The following ZNF112 variants were observed in gnomAD, a reference collection of about 807,000 sequenced individuals.
The protein encoded by ZNF112 is zinc finger protein 112 (Y14).
In ZNF112, 37 loss-of-function variants were observed where a neutral mutation model predicts 77.7. The observed-to-expected ratio is 0.48, with a 90% CI of 0.37 to 0.63. The LOEUF is 0.63. Ranked by LOEUF, ZNF112 falls within the 20% of genes least tolerant of loss-of-function variation. The probability of loss-of-function intolerance (pLI) is 0.00; values close to 1 mark genes in which losing one functional copy is unlikely to be tolerated. For missense variants in ZNF112, 950 were observed against 1,077.4 expected (o/e 0.88, Z 1.66); for synonymous variants, 333 against 363.6 (o/e 0.92, Z 0.96).
intron 1 of ZNF112, among the ~76,000 whole-genome samples, chr19:44,353,010 A>G (rs1215036385): frequency 6.6e-6 from 1 of 152,116 alleles, no homozygotes; most frequent in African/African-American, 2.4e-5. Flanking sequence ...AGGCAAAGGA[A>G]CCAGAATAGC....
chr19:44,328,011 T>A lies in ZNF112; in HGVS notation c.2146A>T (p.Ile716Leu). The change falls in exon 4 of 4, where the codon ATA (isoleucine) becomes TTA (leucine). Residue 716 changes from isoleucine to leucine, a missense_variant. By Grantham distance (5) the Ile-to-Leu change is conservative. This residue lies in a region of ZNF112 where 373 missense variants were observed against 482.8 expected (regional missense o/e 0.77). Coordinates refer to ENST00000354340, the MANE Select transcript of ZNF112 (RefSeq NM_013380.4). Reference sequence around the variant, plus strand: ...AAGCCCTTTCCACATACCTCACATATATATGGTCTTTCTCCAGAATGGACA... The same window carrying A: ...AAGCCCTTTCCACATACCTCACATAAATATGGTCTTTCTCCAGAATGGACA... ...QSVHSGERPY[I>L]CEVCGKGFSQ... The A allele has an allele frequency of 6.2e-7, 1 of 1,613,826 alleles. No individual in the cohort carries two copies. Among genetic ancestry groups the A allele is most frequent in the Non-Finnish European group, 8.5e-7 (1 of 1,179,946 alleles).
chr19:44,329,379 C>T lies in ZNF112; in HGVS notation c.778G>A (p.Ala260Thr), dbSNP rs1422713854. 1 of 1,613,782 alleles carries T rather than the reference C, an allele frequency of 6.2e-7. No homozygotes were observed. The highest frequency in any genetic ancestry group is 8.5e-7 in the Non-Finnish European group (1 of 1,179,800). Reference sequence around the variant, plus strand: ...TCAGAGCTGGAGTCATTACTGAAGGCTTTTCTATACCCAGTACATGGATAG... The same window carrying T: ...TCAGAGCTGGAGTCATTACTGAAGGTTTTTCTATACCCAGTACATGGATAG... ...KPYPCTGYRKAFSNDSSSEVH... is the reference protein window; with the variant it reads ...KPYPCTGYRKTFSNDSSSEVH... The change falls in exon 4 of 4, where the codon GCC becomes ACC. Residue 260 changes from alanine (A) to threonine (T), a missense_variant. Around this residue, in one of 3 missense-constraint regions of ZNF112, gnomAD observed 560 missense variants for 557.3 expected, o/e 1.00. Transcript: ENST00000354340.
At chr19:44,353,309 G>GA (rs1161820434) in intron 1 of ZNF112, among the ~76,000 whole-genome samples, 2 of 151,984 alleles carry the variant, frequency 1.3e-5, no homozygotes, top group African/African-American at 4.8e-5. Flanking sequence ...TAGAACAAGA[G>GA]AAAATCTTCA....
upstream of ZNF112, among the ~76,000 whole-genome samples, chr19:44,359,609 A>G (rs1335248556): frequency 2.6e-5 from 4 of 152,142 alleles, no homozygotes; most frequent in South Asian, 2.1e-4. Context: ...GGCGTGAGCC[A>G]CTGCATGTGG....
chr19:44,354,878 C>T (rs201410334), intron 1 of ZNF112, among the ~76,000 whole-genome samples: 5 of 152,132 alleles, frequency 3.3e-5, no homozygotes, highest in Non-Finnish European at 5.9e-5. Context: ...TCTTGCATCC[C>T]CTAGCTTCCT....
chr19:44,346,827 G>A (rs148655304), intron 1 of ZNF112, among the ~76,000 whole-genome samples: 2 of 152,280 alleles, frequency 1.3e-5, no homozygotes, highest in African/African-American at 4.8e-5. Flanking sequence ...GAAATAAGCA[G>A]CAGAAGCATC....
intron 1 of ZNF112, among the ~76,000 whole-genome samples, chr19:44,353,333 G>C (rs1387460475): frequency 2.0e-5 from 3 of 151,996 alleles, no homozygotes; most frequent in African/African-American, 4.8e-5. Flanking sequence ...CCTGGGGCTA[G>C]GCAGACTTCT....
chr19:44,360,698 T>C (rs1207382741), upstream of ZNF112, among the ~76,000 whole-genome samples: 1 of 152,158 alleles, frequency 6.6e-6, no homozygotes, highest in Non-Finnish European at 1.5e-5. Flanking sequence ...TGCAGCAACA[T>C]GGGAACAGGG....
In ZNF112 at chr19:44,328,454, A is replaced by C; in HGVS notation, c.1703T>G (p.Val568Gly). Residue 568 changes from valine (V) to glycine (G), a missense_variant, in exon 4 of 4, where the codon GTC becomes GGC. Coordinates refer to ENST00000354340, the MANE Select transcript of ZNF112 (RefSeq NM_013380.4). ...TTTATAAGGTTTTTCTCCAGTGTGG[A>C]CTCTCTGATGGGCTTGAAGATATGA... ...RSSYLQAHQR[V>G]HTGEKPYKCE... 6.2e-7 allele frequency: 1 copy of C among 1,613,988 alleles called. No homozygotes were observed. The highest frequency in any genetic ancestry group is 8.5e-7 in the Non-Finnish European group (1 of 1,179,986).
intron 1 of ZNF112, among the ~76,000 whole-genome samples, chr19:44,353,866 C>T (rs1316891901): frequency 6.7e-6 from 1 of 148,686 alleles, no homozygotes; most frequent in African/African-American, 2.5e-5. Context: ...CCAGTAACCA[C>T]ACTCCTGGCT....
chr19:44,338,776 A>T (rs982161901), intron 2 of ZNF112, among the ~76,000 whole-genome samples: 56 of 152,188 alleles, frequency 3.7e-4, no homozygotes, highest in African/African-American at 1.3e-3. Context: ...TAAAGAATAA[A>T]ATTAGGCTGG....
At chr19:44,366,461 G>T (rs1970905398) in intron 1 of ZNF112, among the ~76,000 whole-genome samples, 1 of 152,050 alleles carries the variant, frequency 6.6e-6, no homozygotes. Context: ...CCTGAGAAGA[G>T]AGATGACACG....
Position 44,352,142 on chromosome 19 carries a change from G to A in ZNF112, c.-4+4484C>T, listed in dbSNP as rs1970704896. The stretch of plus-strand genomic sequence containing the variant: ...GATGTTTCTGGGCGATGGAACTGTT[G>A]TGAATCTTGATTGTGGTGGTGAAGT... On this transcript the variant is annotated intron_variant, in intron 1 of 3. Transcript: ENST00000354340. 2.0e-5 allele frequency among the ~76,000 whole-genome samples: 3 copies of A among 152,056 alleles called. No homozygotes were observed. The South Asian group carries it at 6.2e-4, about 31-fold the overall frequency.
intron 3 of ZNF112, among the ~76,000 whole-genome samples, chr19:44,336,143 G>T (rs539970743): frequency 1.8e-4 from 28 of 152,250 alleles, no homozygotes; most frequent in African/African-American, 6.5e-4. Context: ...AGGATTAATG[G>T]CTACCCATCT....
chr19:44,343,026 T>A (rs1970520310), intron 1 of ZNF112, among the ~76,000 whole-genome samples: 1 of 152,120 alleles, frequency 6.6e-6, no homozygotes, highest in Non-Finnish European at 1.5e-5. Context: ...GATTTTAAAA[T>A]TTCTATTCTT....
intron 3 of ZNF112, among the ~76,000 whole-genome samples, chr19:44,335,037 T>A (rs1047909858): frequency 1.3e-5 from 2 of 152,168 alleles, no homozygotes; most frequent in Non-Finnish European, 2.9e-5. Flanking sequence ...ATGCAGGCAC[T>A]CAACGCCAGC....
At chr19:44,349,659 C>T (rs1970657370) in intron 1 of ZNF112, among the ~76,000 whole-genome samples, 2 of 152,022 alleles carry the variant, frequency 1.3e-5, no homozygotes. Flanking sequence ...GTAGCAACTA[C>T]AGTACATTTT....
intron 1 of ZNF112, among the ~76,000 whole-genome samples, chr19:44,341,389 TC>T (rs1381933273): frequency 6.6e-6 from 1 of 152,174 alleles, no homozygotes; most frequent in Admixed American, 6.6e-5. Flanking sequence ...GTTGATTATC[TC>T]CTCAAAATAA....
chr19:44,337,403 ATT>A (rs1171221205), intron 2 of ZNF112, among the ~76,000 whole-genome samples: 1 of 59,462 alleles, frequency 1.7e-5, no homozygotes, highest in African/African-American at 7.4e-5. Flanking sequence ...TATAATATAT[ATT>A]TTATATATAA....
Sources: allele counts gnomAD v4.1 joint callset (sites outside exome capture counted in the v4.1 genomes callset), GRCh38; gene constraint gnomAD v4.1.1; regional missense constraint gnomAD v4.1.1; transcripts MANE v1.5; gene names NCBI Gene and HGNC (gene_info 2026-07-23, HGNC 2026-07-21).